The following NTRK2 variants were observed in gnomAD, a reference collection of about 807,000 sequenced individuals.
NTRK2 encodes the protein BDNF/NT-3 growth factors receptor.
In NTRK2, 13 loss-of-function variants were observed where a neutral mutation model predicts 94.5. The observed-to-expected ratio is 0.14, with a 90% CI of 0.09 to 0.22. The LOEUF (loss-of-function observed/expected upper bound fraction) is 0.22. Ranked by LOEUF, NTRK2 falls within the 10% of genes least tolerant of loss-of-function variation. The pLI, the probability that NTRK2 is intolerant of heterozygous loss-of-function variation, is 1.00. For synonymous variants in NTRK2, 372 were observed against 407.4 expected (o/e 0.91, Z 1.05); for missense variants, 639 against 1,071.2 (o/e 0.60, Z 5.63).
At chr9:84,750,777 C>T (rs1021339349) in intron 11 of NTRK2, among the ~76,000 whole-genome samples, 1 of 152,138 alleles carries the variant, frequency 6.6e-6, no homozygotes, top group Non-Finnish European at 1.5e-5. Flanking sequence ...TTTTTGGAAG[C>T]AGGACTTTGG....
chr9:84,872,064 C>T, intron 14 of NTRK2: 1 of 1,380,024 alleles, frequency 7.2e-7, no homozygotes, highest in Non-Finnish European at 9.4e-7. Context: ...TCTCCTCGAT[C>T]AATCAGGATG....
intron 4 of NTRK2, among the ~76,000 whole-genome samples, chr9:84,705,935 A>C (rs1158713292): frequency 1.3e-5 from 2 of 151,770 alleles, no homozygotes; most frequent in African/African-American, 4.8e-5. Context: ...GATTACAGGC[A>C]GGCGCCACCA....
chr9:84,882,481 T>C (rs1334415621), intron 14 of NTRK2, among the ~76,000 whole-genome samples: 1 of 152,234 alleles, frequency 6.6e-6, no homozygotes, highest in Non-Finnish European at 1.5e-5. Context: ...TGGAAGGTGA[T>C]GGTAGCAAGT....
At chr9:84,887,618 C>A (rs537740510) in intron 14 of NTRK2, among the ~76,000 whole-genome samples, 13 of 152,332 alleles carry the variant, frequency 8.5e-5, no homozygotes, top group Non-Finnish European at 1.5e-4. Context: ...ATTCTTCATG[C>A]AGCAAGACCA....
At chr9:84,957,332 C>G (rs1824265372) in intron 17 of NTRK2, among the ~76,000 whole-genome samples, 1 of 152,170 alleles carries the variant, frequency 6.6e-6, no homozygotes, top group South Asian at 2.1e-4. Context: ...TAGGACTTAA[C>G]TGGATGGAAC....
In NTRK2 at chr9:84,834,813, T is replaced by TG. The variant is rs149374436; in HGVS notation, c.1397-26226dup. Reference sequence around the variant, plus strand: ...TGTCATATAGCTTAGCAGGGCTGCCTGCTTGGTTTAATGCTCTGTTGTCAA... The same window carrying TG: ...TGTCATATAGCTTAGCAGGGCTGCCTGGCTTGGTTTAATGCTCTGTTGTCAA... On this transcript the variant is annotated intron_variant, in intron 12 of 18. Transcript: ENST00000277120. 1.7e-3 allele frequency among the ~76,000 whole-genome samples: 265 copies of TG among 152,308 alleles called. 1 individual carries two copies. The highest frequency in any genetic ancestry group is 6.1e-3 in the African/African-American group (253 of 41,574).
intron 14 of NTRK2, among the ~76,000 whole-genome samples, chr9:84,910,522 C>A (rs1157645654): frequency 1.3e-5 from 2 of 152,154 alleles, no homozygotes; most frequent in African/African-American, 2.4e-5. Context: ...AAGGCCTACT[C>A]TAATCCAGAG....
chr9:84,867,103 A>G, intron 13 of NTRK2, 140 bp from the exon 14 acceptor site: 1 of 761,014 alleles, frequency 1.3e-6, no homozygotes, highest in South Asian at 1.7e-5. Flanking sequence ...CAAGTAGATT[A>G]TAGTGATTAT....
chr9:84,920,205 G>C (rs1371767725), intron 14 of NTRK2, among the ~76,000 whole-genome samples: 8 of 152,134 alleles, frequency 5.3e-5, no homozygotes, highest in Admixed American at 1.3e-4. Context: ...AAGGTGGAGG[G>C]ACATTTTTTT....
chr9:84,979,485 C>G (rs4615661), intron 17 of NTRK2, among the ~76,000 whole-genome samples: 33,384 of 152,056 alleles, frequency 0.22, 4,414 homozygotes, highest in African/African-American at 0.37. Context: ...ATATGAGGAG[C>G]TGCTTCTCAT....
chr9:84,691,176 G>A (rs1283850123), intron 2 of NTRK2, among the ~76,000 whole-genome samples: 2 of 152,160 alleles, frequency 1.3e-5, no homozygotes, highest in Non-Finnish European at 2.9e-5. Flanking sequence ...ACACAGATTT[G>A]TCTGGCAGTG....
intron 17 of NTRK2, among the ~76,000 whole-genome samples, chr9:84,976,201 G>A (rs1000050491): frequency 6.6e-6 from 1 of 152,210 alleles, no homozygotes; most frequent in Non-Finnish European, 1.5e-5. Flanking sequence ...GAGGCTAGAA[G>A]TCTGAGACCA....
At chr9:84,672,120 A>G (rs2058735960) in intron 2 of NTRK2, among the ~76,000 whole-genome samples, 1 of 152,182 alleles carries the variant, frequency 6.6e-6, no homozygotes, top group South Asian at 2.1e-4. Context: ...CACAGAAAAC[A>G]TACAACCATG....
upstream of NTRK2, chr9:84,668,747 G>C (rs199568269): frequency 6.6e-6 from 1 of 152,260 alleles, no homozygotes; most frequent in African/African-American, 2.4e-5. Context: ...CGCAGGGCAC[G>C]CGTTCGCGCA....
rs200492462 is a variant in NTRK2 at position 84,916,522 on chromosome 9, G to A, written c.1634-17640G>A. On this transcript the variant is annotated intron_variant, in intron 14 of 18. Coordinates refer to ENST00000277120, the MANE Select transcript of NTRK2 (RefSeq NM_006180.6). ...ACTACCAATCAATAGGTGGAGACAC[G>A]TAAGAAGACATCTGTTTTCCAGCTC... is the stretch of plus-strand genomic sequence containing the variant. Among the ~76,000 whole-genome samples the A allele has an allele frequency of 1.4e-4, 22 of 152,258 alleles. No homozygotes were observed. In the East Asian group the frequency reaches 2.7e-3, roughly 19 times the overall value.
chr9:84,895,776 A>C (rs1266889737), intron 14 of NTRK2, among the ~76,000 whole-genome samples: 1 of 152,164 alleles, frequency 6.6e-6, no homozygotes, highest in East Asian at 1.9e-4. Context: ...TCACTTCTGC[A>C]GTGGAAGTTT....
intron 14 of NTRK2, among the ~76,000 whole-genome samples, chr9:84,870,503 A>T (rs930019929): frequency 2.7e-5 from 4 of 148,748 alleles, no homozygotes; most frequent in African/African-American, 9.9e-5. Flanking sequence ...TGTCTGGCTA[A>T]TTTTTTTTTA....
In NTRK2 at chr9:84,860,886, G is replaced by GGTTT. The variant is rs201644979; in HGVS notation, c.1397-149_1397-146dup. Among the ~76,000 whole-genome samples, 488 of 139,386 alleles carry GGTTT rather than the reference G, an allele frequency of 3.5e-3. 2 individuals are homozygous for GGTTT. Among genetic ancestry groups the GGTTT allele is most frequent in the African/African-American group, 0.013 (466 of 36,698 alleles). The allele number at this position is 139,386 out of a possible 152,430, so 91.4% of individuals were successfully genotyped here. A position where few individuals can be genotyped will look rare whatever the true frequency, so the allele number is the denominator to read the frequency against. ...TTGATAGGAAGCTTTCATCCCAAGT[G>GGTTT]GTTTGTTTATTTATTTATTTATTTA... On this transcript the variant is annotated intron_variant, in intron 12 of 18. Transcript: ENST00000277120.
chr9:84,932,945 A>G lies in NTRK2; in HGVS notation c.1634-1217A>G, dbSNP rs1363900636. Among the ~76,000 whole-genome samples the G allele has an allele frequency of 3.9e-5, 6 of 152,354 alleles. No individual in the cohort carries two copies. The East Asian group carries it at 1.2e-3, about 29-fold the overall frequency. On this transcript the variant is annotated intron_variant, in intron 14 of 18. Transcript: ENST00000277120. ...CAATTGAAAAGAGACTTTGTGAAGT[A>G]GAAGAAAACACATGAACTCTGGAAT...
Sources: gnomAD v4.1 joint callset for allele counts (sites outside exome capture counted in the v4.1 genomes callset) on GRCh38, gnomAD v4.1.1 for gene constraint, MANE v1.5 for transcripts, NCBI Gene and HGNC (gene_info 2026-07-23, HGNC 2026-07-21) for gene names.